BRINP3: variants seen among roughly 807,000 people sequenced by gnomAD.
The protein encoded by BRINP3 is BMP/retinoic acid-inducible neural-specific protein 3.
A neutral mutation model predicts 71.0 loss-of-function variants in BRINP3; 19 were observed. The ratio of observed to expected loss-of-function variants is 0.27; its 90% confidence interval spans 0.19 to 0.39. The LOEUF (loss-of-function observed/expected upper bound fraction) is 0.39. Ranked by LOEUF, BRINP3 falls within the 10% of genes least tolerant of loss-of-function variation. The pLI is 1.00. For missense variants in BRINP3, 959 were observed against 940.8 expected (o/e 1.02, Z -0.25); for synonymous variants, 380 against 337.7 (o/e 1.13, Z -1.37).
chr1:190,102,138 G>T (rs1213933389), intron 7 of BRINP3, among the ~76,000 whole-genome samples: 1 of 152,088 alleles, frequency 6.6e-6, no homozygotes, highest in Non-Finnish European at 1.5e-5. Flanking sequence ...GGAGGAAATA[G>T]ATTTTTCAAG....
intron 6 of BRINP3, among the ~76,000 whole-genome samples, chr1:190,171,115 G>A (rs1249681816): frequency 6.6e-6 from 1 of 152,168 alleles, no homozygotes; most frequent in Non-Finnish European, 1.5e-5. Flanking sequence ...TGAAGGTGGT[G>A]AGAGATAATC....
intron 2 of BRINP3, among the ~76,000 whole-genome samples, chr1:190,397,276 C>T (rs994405400): frequency 3.9e-5 from 6 of 151,994 alleles, no homozygotes; most frequent in African/African-American, 1.4e-4. Flanking sequence ...TCTACTATCA[C>T]CAAGCCTCCA....
At chr1:190,164,226 T>C (rs555107923) in intron 6 of BRINP3, among the ~76,000 whole-genome samples, 20 of 152,182 alleles carry the variant, frequency 1.3e-4, no homozygotes, top group Non-Finnish European at 2.5e-4. Flanking sequence ...AGAACTGCTT[T>C]AGAATATATT....
chr1:190,365,383 G>T lies in BRINP3; in HGVS notation c.237-83633C>A, dbSNP rs181768153. Among the ~76,000 whole-genome samples the T allele has an allele frequency of 4.7e-3, 706 of 151,614 alleles. 2 individuals are homozygous for T. The highest frequency in any genetic ancestry group is 6.9e-3 in the Admixed American group (104 of 15,150). On this transcript the variant is annotated intron_variant, in intron 2 of 7. Transcript: ENST00000367462. The stretch of plus-strand genomic sequence containing the variant: ...ACATTCTATGCCTTTAATCTGCTGG[G>T]TGCTAAACCTGCAATTCTGAACAAA...
chr1:190,244,951 C>G (rs1019353903), intron 4 of BRINP3, among the ~76,000 whole-genome samples: 1 of 151,910 alleles, frequency 6.6e-6, no homozygotes, highest in Non-Finnish European at 1.5e-5. Flanking sequence ...AAACTTAAAA[C>G]TTTTTATTAT....
At chr1:190,141,554 CCTTT>C (rs1186187567) in intron 7 of BRINP3, among the ~76,000 whole-genome samples, 17 of 125,646 alleles carry the variant, frequency 1.4e-4, no homozygotes, top group African/African-American at 4.4e-4. Context: ...TTCTTTCTTT[CCTTT>C]TTTTTTTTTT....
intron 6 of BRINP3, among the ~76,000 whole-genome samples, chr1:190,171,582 G>T (rs1232773857): frequency 6.6e-6 from 1 of 152,074 alleles, no homozygotes; most frequent in African/African-American, 2.4e-5. Flanking sequence ...TCCATAATTT[G>T]TCTTTCATAT....
chr1:190,151,031 C>G (rs1656346905), intron 7 of BRINP3, among the ~76,000 whole-genome samples: 1 of 152,082 alleles, frequency 6.6e-6, no homozygotes, highest in African/African-American at 2.4e-5. Context: ...CGTGTAATAT[C>G]AGCCACTTGG....
At chr1:190,359,389 G>C (rs1668981022) in intron 2 of BRINP3, among the ~76,000 whole-genome samples, 1 of 151,978 alleles carries the variant, frequency 6.6e-6, no homozygotes, top group African/African-American at 2.4e-5. Flanking sequence ...TTGAATCATG[G>C]GGTACTAGTA....
intron 7 of BRINP3, among the ~76,000 whole-genome samples, chr1:190,139,791 T>C (rs961817867): frequency 6.6e-6 from 1 of 152,144 alleles, no homozygotes; most frequent in South Asian, 2.1e-4. Flanking sequence ...CCAGGCAACA[T>C]TTAGTGTTAC....
chr1:190,350,005 A>G (rs1030404380), intron 2 of BRINP3, among the ~76,000 whole-genome samples: 1 of 152,082 alleles, frequency 6.6e-6, no homozygotes, highest in Admixed American at 6.6e-5. Context: ...GTCTTTTAGG[A>G]ATAAAAGGAG....
chr1:190,334,593 G>T (rs915130388), intron 2 of BRINP3, among the ~76,000 whole-genome samples: 1 of 151,730 alleles, frequency 6.6e-6, no homozygotes, highest in Non-Finnish European at 1.5e-5. Context: ...AAAATGGGCT[G>T]AAAATTGACT....
chr1:190,454,793 G>C lies in BRINP3; in HGVS notation c.98C>G (p.Ala33Gly). The C allele has an allele frequency of 1.2e-6, 2 of 1,614,130 alleles. No homozygotes were observed. Reference protein sequence around the residue: ...LSLHCWVLAVAAVSDQHATSP... With the variant: ...LSLHCWVLAVGAVSDQHATSP... ...TGTGGCATGCTGATCCGAAACAGCA[G>C]CAACCGCTAAAACCCAGCAATGAAG... Residue 33 changes from alanine (A) to glycine (G), a missense_variant, in exon 2 of 8, where the codon GCT (alanine) becomes GGT (glycine). Physicochemically the swap from Ala to Gly is moderately conservative, Grantham distance 60. Transcript: ENST00000367462.
At chr1:190,328,857 G>A (rs975408826) in intron 2 of BRINP3, among the ~76,000 whole-genome samples, 1 of 152,036 alleles carries the variant, frequency 6.6e-6, no homozygotes, top group African/African-American at 2.4e-5. Flanking sequence ...GAGATGCAAG[G>A]TTGGTTCAAC....
intron 2 of BRINP3, among the ~76,000 whole-genome samples, chr1:190,311,210 T>C (rs1003130205): frequency 1.3e-5 from 2 of 151,666 alleles, no homozygotes; most frequent in Non-Finnish European, 1.5e-5. Context: ...AACATTTATT[T>C]TAATTTCAAT....
intron 7 of BRINP3, among the ~76,000 whole-genome samples, chr1:190,116,548 C>T (rs905655894): frequency 6.6e-6 from 1 of 151,864 alleles, no homozygotes; most frequent in Non-Finnish European, 1.5e-5. Context: ...ATGTAACTGG[C>T]TCTCCACCCT....
chr1:190,221,675 A>C (rs1255305268), intron 6 of BRINP3, among the ~76,000 whole-genome samples: 1 of 152,102 alleles, frequency 6.6e-6, no homozygotes, highest in Non-Finnish European at 1.5e-5. Context: ...CAAAAAATCC[A>C]CTTAATGTAG....
chr1:190,379,336 C>A (rs1301321166), intron 2 of BRINP3, among the ~76,000 whole-genome samples: 2 of 152,080 alleles, frequency 1.3e-5, no homozygotes, highest in Non-Finnish European at 2.9e-5. Flanking sequence ...ATTCCCCTGG[C>A]AGGATTTACA....
chr1:190,120,274 T>G (rs1557984085), intron 7 of BRINP3, among the ~76,000 whole-genome samples: 1 of 152,158 alleles, frequency 6.6e-6, no homozygotes, highest in South Asian at 2.1e-4. Context: ...CAATTCACAG[T>G]AAAGTACTTC....
Sources: gnomAD v4.1 joint callset for allele counts (sites outside exome capture counted in the v4.1 genomes callset) on GRCh38, gnomAD v4.1.1 for gene constraint, MANE v1.5 for transcripts, NCBI Gene and HGNC (gene_info 2026-07-23, HGNC 2026-07-21) for gene names.